Variants in KDELR3 observed in about 807,000 individuals in gnomAD.
KDELR3 encodes the protein ER lumen protein-retaining receptor 3.
KDELR3 carries 26 observed loss-of-function variants against 22.7 expected under a neutral mutation model. The observed-to-expected ratio is 1.15, with a 90% confidence interval of 0.84 to 1.59. KDELR3 has a LOEUF of 1.59. Among genes scored for constraint, KDELR3 ranks in the 40% most tolerant of loss-of-function variants. KDELR3 has a pLI of 0.00. For missense variants in KDELR3, 289 were observed against 251.1 expected, an observed-to-expected ratio of 1.15 and a Z score of -1.02; for synonymous variants, 120 against 98.2, an observed-to-expected ratio of 1.22 and a Z score of -1.31.
Position 38,468,209 on chromosome 22 carries a change from G to T in KDELR3, c.-25G>T. ...AGTTTCCTAGAAGTTTGCTGGGCGC[G>T]GGCGCACGACTGACTGGCTGGACCA... On this transcript the variant is annotated 5_prime_UTR_variant, in exon 1 of 5. Coordinates refer to ENST00000216014, the MANE Select transcript of KDELR3 (RefSeq NM_006855.4). The T allele has an allele frequency of 6.2e-7, 1 of 1,610,312 alleles. No homozygotes were observed.
chr22:38,469,566 G>C (rs2145961245), intron 1 of KDELR3, among the ~76,000 whole-genome samples: 1 of 152,006 alleles, frequency 6.6e-6, no homozygotes, highest in East Asian at 1.9e-4. Context: ...CAGGTACAGA[G>C]ACAGTTCAGG....
At chr22:38,477,635 T>C (rs760164510) in intron 2 of KDELR3, among the ~76,000 whole-genome samples, 1 of 152,252 alleles carries the variant, frequency 6.6e-6, no homozygotes. Context: ...TTTTCTTCCA[T>C]ATCAGAGACA....
At chr22:38,474,664 C>A in intron 2 of KDELR3, 41 bp downstream of exon 2, 1 of 1,509,126 alleles carries the variant, frequency 6.6e-7, no homozygotes, top group Non-Finnish European at 9.2e-7. Context: ...AGCCACCAAG[C>A]CCCCACAAAC....
At position 38,468,310 on chromosome 22, in the gene KDELR3, C is replaced by G; in HGVS notation, c.77C>G (p.Ser26Cys). 1 of 1,613,700 alleles carries G rather than the reference C, an allele frequency of 6.2e-7. No individual in the cohort carries two copies. Among genetic ancestry groups the G allele is most frequent in the Non-Finnish European group, 8.5e-7 (1 of 1,179,886 alleles). Residue 26 changes from serine (S) to cysteine (C), a missense_variant, in exon 1 of 5, where the codon TCC becomes TGC. By Grantham distance (112) the Ser-to-Cys change is moderately radical. Transcript: ENST00000216014. ...TTGCTGCTGGGGAAGATCTGGAGGT[C>G]CAAGTGCTGCAAGGGTGAGGGGCGC... ...MILLLGKIWR[S>C]KCCKGISGKS... is the part of the protein sequence containing the mutation.
At chr22:38,468,380 C>T (rs28470814) in intron 1 of KDELR3, 56 bp downstream of exon 1, 4 of 1,546,960 alleles carry the variant, frequency 2.6e-6, no homozygotes, top group Non-Finnish European at 2.7e-6. Context: ...GCCTCATGCC[C>T]CTGCGTGCAG....
At chr22:38,474,160 G>T (rs971739548) in intron 1 of KDELR3, among the ~76,000 whole-genome samples, 11 of 152,064 alleles carry the variant, frequency 7.2e-5, no homozygotes. Flanking sequence ...GTGGAACTCT[G>T]GGGGTGGAGT....
chr22:38,481,763 GTGA>G (rs2089603782), intron 4 of KDELR3: 3 of 785,768 alleles, frequency 3.8e-6, no homozygotes, highest in Non-Finnish European at 5.3e-6. Flanking sequence ...CCAGCTTGGT[GTGA>G]TGGACAAAAA....
intron 2 of KDELR3, among the ~76,000 whole-genome samples, chr22:38,476,454 G>C (rs948986602): frequency 2.0e-5 from 3 of 152,166 alleles, no homozygotes; most frequent in African/African-American, 7.2e-5. Flanking sequence ...TCCTGACCTT[G>C]TTATCTGCCC....
In KDELR3 at chr22:38,482,663, C is replaced by A; in HGVS notation, c.*127C>A. The A allele has an allele frequency of 1.2e-6, 1 of 807,622 alleles. No homozygotes were observed. Among genetic ancestry groups the A allele is most frequent in the Non-Finnish European group, 2.0e-6 (1 of 488,376 alleles). 50.0% of individuals were successfully genotyped at this position (807,622 alleles called of 1,614,324 possible). ...CCAGAAAAGTGTTTAGTGTGGATTT[C>A]AGCAAAACCTGATCATCCCACCCAG... On this transcript the variant is annotated 3_prime_UTR_variant, in exon 5 of 5. Transcript: ENST00000216014.
intron 4 of KDELR3, among the ~76,000 whole-genome samples, 167 bp from the exon 5 acceptor site, chr22:38,482,329 G>C (rs1017716090): frequency 3.3e-5 from 5 of 152,118 alleles, no homozygotes; most frequent in Admixed American, 3.3e-4. Context: ...CCAAGTCGGG[G>C]ATCAGTAGGT....
intron 2 of KDELR3, among the ~76,000 whole-genome samples, chr22:38,476,477 C>T (rs1461276153): frequency 2.0e-5 from 3 of 152,124 alleles, no homozygotes; most frequent in Non-Finnish European, 1.5e-5. Context: ...CTCGGCCTCC[C>T]GAAGTGCTGG....
chr22:38,477,649 C>T (rs905936462), intron 2 of KDELR3, among the ~76,000 whole-genome samples: 81 of 152,156 alleles, frequency 5.3e-4, no homozygotes, highest in African/African-American at 1.8e-3. Context: ...AGAGACATCC[C>T]TTTGGGATTT....
intron 1 of KDELR3, among the ~76,000 whole-genome samples, chr22:38,469,495 A>T (rs1264330592): frequency 6.6e-6 from 1 of 152,182 alleles, no homozygotes; most frequent in East Asian, 1.9e-4. Flanking sequence ...GAGCAACAGT[A>T]CGGTGTGGAG....
intron 1 of KDELR3, among the ~76,000 whole-genome samples, chr22:38,470,957 C>T (rs547716266): frequency 1.7e-4 from 26 of 152,154 alleles, no homozygotes; most frequent in Admixed American, 8.5e-4. Context: ...CAGCCTGGCA[C>T]GTGGCGAAAC....
At chr22:38,468,404 A>G in intron 1 of KDELR3, 80 bp downstream of exon 1, 1 of 1,290,570 alleles carries the variant, frequency 7.7e-7, no homozygotes, top group Non-Finnish European at 1.1e-6. Context: ...AGGGCGCTCC[A>G]GGTGTCTGCT....
At position 38,469,142 on chromosome 22, in the gene KDELR3, G is replaced by C. The variant is rs147977909; in HGVS notation, c.91+818G>C. On this transcript the variant is annotated intron_variant, in intron 1 of 4. Transcript: ENST00000216014. ...AAGGCCCTGTGGAAGGAGCAGCTCC[G>C]TGCTGGTCCCGGAGGACGAGCAGGT... Among the ~76,000 whole-genome samples the C allele has an allele frequency of 7.2e-5, 11 of 152,244 alleles. No homozygotes were observed. The South Asian group carries it at 1.7e-3, about 23-fold the overall frequency.
At chr22:38,481,133 T>G in intron 3 of KDELR3, 79 bp from the exon 4 acceptor site, 2 of 1,266,172 alleles carry the variant, frequency 1.6e-6, no homozygotes, top group Non-Finnish European at 2.2e-6. Context: ...AGCAAGCTAT[T>G]GTTTTAGTAA....
Position 38,479,643 on chromosome 22 carries a change from A to T in KDELR3, c.243A>T (p.Lys81Asn), listed in dbSNP as rs1465658816. ...AYVTVYMIYG[K>N]FRKTFDSEND... Reference sequence around the variant, plus strand: ...TTACAGTGTACATGATATATGGGAAATTCCGTAAAACTTTTGACAGTGAGA... The same window carrying T: ...TTACAGTGTACATGATATATGGGAATTTCCGTAAAACTTTTGACAGTGAGA... Residue 81 changes from lysine (K) to asparagine (N), a missense_variant, in exon 3 of 5, where the codon AAA becomes AAT. Coordinates refer to ENST00000216014, the MANE Select transcript of KDELR3 (RefSeq NM_006855.4). 6.2e-7 allele frequency: 1 copy of T among 1,614,050 alleles called. No individual in the cohort carries two copies.
intron 3 of KDELR3, among the ~76,000 whole-genome samples, chr22:38,480,032 GCA>G (rs1341493604): frequency 6.6e-6 from 1 of 152,184 alleles, no homozygotes; most frequent in African/African-American, 2.4e-5. Flanking sequence ...TATCCCTGTA[GCA>G]CAGTCCAGGC....
Sources: allele counts gnomAD v4.1 joint callset (sites outside exome capture counted in the v4.1 genomes callset), GRCh38; gene constraint gnomAD v4.1.1; transcripts MANE v1.5; gene names NCBI Gene and HGNC (gene_info 2026-07-23, HGNC 2026-07-21).